Variants in MERTK observed in about 807,000 individuals in gnomAD.
MERTK encodes tyrosine-protein kinase Mer.
Under a neutral mutation model 99.3 loss-of-function variants are expected in MERTK, and 69 were observed. That is an observed-to-expected ratio of 0.70 (90% CI 0.57 to 0.85). MERTK has a LOEUF of 0.85. Ranked by LOEUF, MERTK falls within the 40% of genes least tolerant of loss-of-function variation. The pLI is 0.00. For synonymous variants in MERTK, 426 were observed against 467.6 expected, an observed-to-expected ratio of 0.91 and a Z score of 1.15; for missense variants, 1,125 against 1,249.4, an observed-to-expected ratio of 0.90 and a Z score of 1.50.
At chr2:111,924,031 A>G (rs1684511784) in intron 1 of MERTK, among the ~76,000 whole-genome samples, 1 of 152,060 alleles carries the variant, frequency 6.6e-6, no homozygotes, top group Non-Finnish European at 1.5e-5. Context: ...TCTAGAGAAC[A>G]ATTTATACAG....
chr2:111,945,962 G>C (rs1423625633), intron 3 of MERTK, among the ~76,000 whole-genome samples: 1 of 152,212 alleles, frequency 6.6e-6, no homozygotes, highest in Non-Finnish European at 1.5e-5. Flanking sequence ...TTTAGAGCAG[G>C]TGATTAGCTT....
intron 15 of MERTK, among the ~76,000 whole-genome samples, chr2:112,016,945 G>A (rs1449063700): frequency 3.3e-5 from 5 of 152,198 alleles, no homozygotes; most frequent in South Asian, 2.1e-4. Flanking sequence ...GAATGAAGCC[G>A]CGGACCTTTG....
intron 15 of MERTK, among the ~76,000 whole-genome samples, chr2:112,012,778 A>T (rs1325387920): frequency 6.6e-6 from 1 of 152,198 alleles, no homozygotes; most frequent in East Asian, 1.9e-4. Context: ...GTGAACCATG[A>T]TGACAAGAAT....
rs190872310 is a variant in MERTK at position 111,932,243 on chromosome 2, G to A, written c.482+2703G>A. ...GTCGCCCAGGCTGGAGTGCAGTGGC[G>A]CGACCTCGGCTCACTGCAAACTCTG... On this transcript the variant is annotated intron_variant, in intron 2 of 18. Coordinates refer to ENST00000295408, the MANE Select transcript of MERTK (RefSeq NM_006343.3). Among the ~76,000 whole-genome samples, 13 of 152,190 alleles carry A rather than the reference G, an allele frequency of 8.5e-5. No homozygotes were observed. In the East Asian group the frequency reaches 2.1e-3, roughly 25 times the overall value.
chr2:111,952,239 G>A (rs1041914057), intron 4 of MERTK: 1 of 161,600 alleles, frequency 6.2e-6, no homozygotes, highest in Admixed American at 6.2e-5. Flanking sequence ...GGACTACTAG[G>A]TTTAGCTGGA....
chr2:111,975,023 C>G (rs1291510724), intron 6 of MERTK, among the ~76,000 whole-genome samples: 1 of 152,098 alleles, frequency 6.6e-6, no homozygotes, highest in African/African-American at 2.4e-5. Flanking sequence ...GAATTCTAAT[C>G]ATCATAATTA....
chr2:111,987,854 C>T (rs752036127), intron 8 of MERTK, among the ~76,000 whole-genome samples: 3 of 152,074 alleles, frequency 2.0e-5, no homozygotes, highest in South Asian at 2.1e-4. Flanking sequence ...TTTATACGTG[C>T]GGTTTTTATG....
intron 1 of MERTK, among the ~76,000 whole-genome samples, chr2:111,913,999 T>G (rs1024043203): frequency 2.0e-5 from 3 of 152,108 alleles, no homozygotes; most frequent in African/African-American, 7.2e-5. Context: ...TGAATAAGAA[T>G]GGGGAAAGCA....
chr2:111,947,222 G>A (rs937770331), intron 3 of MERTK, among the ~76,000 whole-genome samples, 172 bp from the exon 4 acceptor site: 5 of 152,088 alleles, frequency 3.3e-5, no homozygotes, highest in Non-Finnish European at 7.4e-5. Flanking sequence ...GCAGTGAGCC[G>A]ACATCAGGCC....
intron 2 of MERTK, among the ~76,000 whole-genome samples, chr2:111,942,982 T>C (rs1684892778): frequency 6.6e-6 from 1 of 152,200 alleles, no homozygotes; most frequent in Non-Finnish European, 1.5e-5. Context: ...TTCAGAAAAC[T>C]GAATTCAACC....
At chr2:111,942,189 A>G (rs1043830020) in intron 2 of MERTK, among the ~76,000 whole-genome samples, 5 of 152,286 alleles carry the variant, frequency 3.3e-5, no homozygotes, top group African/African-American at 1.2e-4. Flanking sequence ...TCAAAGGCAC[A>G]AGTGTCCTCA....
intron 1 of MERTK, among the ~76,000 whole-genome samples, chr2:111,910,691 T>G (rs993564972): frequency 6.6e-6 from 1 of 151,850 alleles, no homozygotes; most frequent in Non-Finnish European, 1.5e-5. Flanking sequence ...GGTAGCAACA[T>G]GGATGGAACT....
At chr2:111,979,161 G>A (rs561352787) in intron 7 of MERTK, among the ~76,000 whole-genome samples, 2 of 152,150 alleles carry the variant, frequency 1.3e-5, no homozygotes, top group South Asian at 4.1e-4. Flanking sequence ...TTATGCCCTC[G>A]TTTTTATGGA....
intron 15 of MERTK, among the ~76,000 whole-genome samples, chr2:112,012,557 G>C (rs11683409): frequency 0.57 from 87,088 of 151,836 alleles, 25,458 homozygotes; most frequent in Middle Eastern, 0.67. Context: ...TGTCATGAGC[G>C]TATCCATCCT....
chr2:112,020,055 C>T (rs1193562896), intron 16 of MERTK, among the ~76,000 whole-genome samples: 1 of 152,166 alleles, frequency 6.6e-6, no homozygotes, highest in Non-Finnish European at 1.5e-5. Flanking sequence ...TGTAAATCTT[C>T]AAAAACAATA....
At chr2:111,917,184 C>T (rs1684366622) in intron 1 of MERTK, among the ~76,000 whole-genome samples, 1 of 152,136 alleles carries the variant, frequency 6.6e-6, no homozygotes, top group Non-Finnish European at 1.5e-5. Flanking sequence ...TTCATTAATG[C>T]TGGGTGGGGA....
intron 4 of MERTK, among the ~76,000 whole-genome samples, chr2:111,962,156 T>A (rs1457269951): frequency 3.3e-5 from 5 of 152,192 alleles, no homozygotes; most frequent in Non-Finnish European, 5.9e-5. Flanking sequence ...GTGCCACAGA[T>A]ATAGAAGTTT....
intron 1 of MERTK, among the ~76,000 whole-genome samples, chr2:111,910,047 T>A (rs1436664433): frequency 6.6e-6 from 1 of 152,124 alleles, no homozygotes; most frequent in African/African-American, 2.4e-5. Context: ...AACGGATGAA[T>A]GGATAAAGAA....
chr2:111,937,537 C>T (rs948717679), intron 2 of MERTK, among the ~76,000 whole-genome samples: 28 of 152,306 alleles, frequency 1.8e-4, no homozygotes, highest in African/African-American at 6.5e-4. Flanking sequence ...CATGCAGGCT[C>T]CTGGTACTGT....
Sources: gnomAD v4.1 joint callset for allele counts (sites outside exome capture counted in the v4.1 genomes callset) on GRCh38, gnomAD v4.1.1 for gene constraint, MANE v1.5 for transcripts, NCBI Gene and HGNC (gene_info 2026-07-23, HGNC 2026-07-21) for gene names.